GRM8: variants seen among roughly 807,000 people sequenced by gnomAD.
The protein encoded by GRM8 is metabotropic glutamate receptor 8.
Under a neutral mutation model 87.2 loss-of-function variants are expected in GRM8, and 47 were observed. The observed-to-expected ratio is 0.54, with a 90% CI of 0.43 to 0.69. GRM8 has a LOEUF of 0.69. Among genes scored for constraint, GRM8 ranks in the 30% least tolerant of loss-of-function variants. The pLI is 0.00. For synonymous variants in GRM8, 396 were observed against 404.5 expected, an observed-to-expected ratio of 0.98 and a Z score of 0.25; for missense variants, 1,019 against 1,139.2, an observed-to-expected ratio of 0.89 and a Z score of 1.52.
chr7:127,022,267 A>C (rs868022659), intron 3 of GRM8, among the ~76,000 whole-genome samples: 3 of 151,884 alleles, frequency 2.0e-5, no homozygotes, highest in Non-Finnish European at 4.4e-5. Flanking sequence ...AGTGGTTCTT[A>C]AGTATAGTTC....
chr7:127,177,325 C>T (rs548132433), intron 2 of GRM8, among the ~76,000 whole-genome samples: 3 of 152,324 alleles, frequency 2.0e-5, no homozygotes, highest in African/African-American at 7.2e-5. Context: ...ACCCCATCCT[C>T]CACATCAGCT....
intron 8 of GRM8, among the ~76,000 whole-genome samples, chr7:126,577,628 C>T (rs550595735): frequency 5.3e-5 from 8 of 151,922 alleles, no homozygotes; most frequent in Non-Finnish European, 1.2e-4. Context: ...ACTCAGCTGC[C>T]TCATGGAACT....
intron 3 of GRM8, among the ~76,000 whole-genome samples, chr7:126,925,639 T>C (rs1306422920): frequency 1.3e-5 from 2 of 152,234 alleles, no homozygotes; most frequent in Non-Finnish European, 2.9e-5. Flanking sequence ...TTAATGTGCA[T>C]GTACTTTTTG....
rs555615425 is a variant in GRM8 at position 126,927,086 on chromosome 7, T to C, written c.728-22403A>G. ...CCAGTCTCTGTTCAACGTCTTCCAG[T>C]GGTAGTACCTTATCAAACAGTCCAT... is the stretch of plus-strand genomic sequence containing the variant. On this transcript the variant is annotated intron_variant, in intron 3 of 10. Coordinates refer to ENST00000339582, the MANE Select transcript of GRM8 (RefSeq NM_000845.3). 4.1e-4 allele frequency among the ~76,000 whole-genome samples: 63 copies of C among 152,352 alleles called. 2 individuals carry two copies. The South Asian group carries it at 0.011, about 26-fold the overall frequency.
At chr7:127,050,892 T>C (rs3808124) in intron 3 of GRM8, among the ~76,000 whole-genome samples, 1 of 152,170 alleles carries the variant, frequency 6.6e-6, no homozygotes, top group Admixed American at 6.5e-5. Context: ...GTTTGCACAC[T>C]CAAAAAGGAA....
chr7:126,626,603 A>G (rs1800718808), intron 7 of GRM8, among the ~76,000 whole-genome samples: 1 of 152,186 alleles, frequency 6.6e-6, no homozygotes, highest in Non-Finnish European at 1.5e-5. Flanking sequence ...CCTTGACACA[A>G]TACCAATGGT....
At chr7:126,604,098 C>G (rs2151084644) in intron 8 of GRM8, among the ~76,000 whole-genome samples, 1 of 151,412 alleles carries the variant, frequency 6.6e-6, no homozygotes, top group Admixed American at 6.6e-5. Flanking sequence ...CCAAGGAAGC[C>G]CCAGTATACA....
At chr7:126,815,801 A>G (rs531466218) in intron 6 of GRM8, among the ~76,000 whole-genome samples, 1 of 152,190 alleles carries the variant, frequency 6.6e-6, no homozygotes, top group Admixed American at 6.6e-5. Flanking sequence ...CATGCTATCT[A>G]GAGTCTTAGA....
intron 2 of GRM8, among the ~76,000 whole-genome samples, chr7:127,152,596 A>T (rs1030395862): frequency 1.3e-4 from 20 of 152,166 alleles, no homozygotes; most frequent in Admixed American, 1.3e-3. Flanking sequence ...ATTTCAGTTT[A>T]TCTCCACAGT....
intron 9 of GRM8, among the ~76,000 whole-genome samples, chr7:126,477,569 AAGAAAGAAAG>A (rs1196010969): frequency 6.7e-5 from 7 of 104,544 alleles, no homozygotes; most frequent in Admixed American, 9.9e-5. Context: ...AAGAGAAAGA[AAGAAAGAAAG>A]AGAGAAAGAA....
At chr7:127,234,704 T>G (rs1482453962) in intron 2 of GRM8, among the ~76,000 whole-genome samples, 9 of 152,150 alleles carry the variant, frequency 5.9e-5, no homozygotes. Flanking sequence ...ACCCACTGAA[T>G]CAGAAACTCT....
intron 3 of GRM8, among the ~76,000 whole-genome samples, chr7:126,943,808 C>A (rs1322330984): frequency 6.6e-6 from 1 of 152,150 alleles, no homozygotes; most frequent in African/African-American, 2.4e-5. Flanking sequence ...AGTAAACAGA[C>A]AAATTTACAT....
intron 8 of GRM8, among the ~76,000 whole-genome samples, chr7:126,603,021 A>G (rs1585189553): frequency 6.8e-6 from 1 of 147,968 alleles, no homozygotes; most frequent in African/African-American, 2.5e-5. Flanking sequence ...GCAGCACATC[A>G]AAAAGCTTAT....
intron 8 of GRM8, among the ~76,000 whole-genome samples, chr7:126,573,927 C>T (rs964255645): frequency 1.3e-5 from 2 of 152,074 alleles, no homozygotes; most frequent in African/African-American, 4.8e-5. Context: ...AGAAAATAAC[C>T]TAATAGATGA....
intron 9 of GRM8, among the ~76,000 whole-genome samples, chr7:126,461,549 T>C (rs59836999): frequency 0.012 from 1,891 of 151,774 alleles, 52 homozygotes; most frequent in African/African-American, 0.043. Flanking sequence ...TCACCTTTGC[T>C]GCTTCCAGGT....
chr7:126,525,806 C>T (rs1813732405), intron 9 of GRM8, among the ~76,000 whole-genome samples: 1 of 152,026 alleles, frequency 6.6e-6, no homozygotes, highest in South Asian at 2.1e-4. Flanking sequence ...TTATTTTTGT[C>T]ATTTACTTGT....
chr7:126,933,443 G>A (rs757742106), intron 3 of GRM8, among the ~76,000 whole-genome samples: 19 of 152,312 alleles, frequency 1.2e-4, no homozygotes, highest in South Asian at 2.1e-4. Context: ...TCTCTGTTCC[G>A]TTCACACTTC....
rs116317530 is a variant in GRM8, at chr7:126,625,338, T to C, written c.1358-15840A>G. On this transcript the variant is annotated intron_variant, in intron 7 of 10. Transcript: ENST00000339582. ...CCATGTTTATTTACCTTGGCTAAAA[T>C]ACACAATTCGTTTCCATAAAAACCA... is the stretch of plus-strand genomic sequence containing the variant. Among the ~76,000 whole-genome samples the C allele has an allele frequency of 1.1e-3, 171 of 152,178 alleles. 1 individual carries two copies. The highest frequency in any genetic ancestry group is 3.7e-3 in the African/African-American group (153 of 41,528).
intron 7 of GRM8, among the ~76,000 whole-genome samples, chr7:126,737,598 A>G (rs1009630438): frequency 6.6e-6 from 1 of 152,056 alleles, no homozygotes; most frequent in Non-Finnish European, 1.5e-5. Context: ...ATGATATTAA[A>G]TTTAATACTA....
Sources: allele counts gnomAD v4.1 joint callset (sites outside exome capture counted in the v4.1 genomes callset), GRCh38; gene constraint gnomAD v4.1.1; transcripts MANE v1.5; gene names NCBI Gene and HGNC (gene_info 2026-07-23, HGNC 2026-07-21).